ABCC4: variants seen among roughly 807,000 people sequenced by gnomAD.
The protein encoded by ABCC4 is ATP-binding cassette sub-family C member 4.
In ABCC4, 102 loss-of-function variants were observed where a neutral mutation model predicts 168.5. That is an observed-to-expected ratio of 0.61 (90% confidence interval 0.52 to 0.71). ABCC4 has a LOEUF of 0.71. Ranked by LOEUF, ABCC4 falls within the 30% of genes least tolerant of loss-of-function variation. The pLI is 0.00. For synonymous variants in ABCC4, 617 were observed against 590.7 expected (o/e 1.04, Z -0.65); for missense variants, 1,402 against 1,605.8 (o/e 0.87, Z 2.17).
intron 1 of ABCC4, among the ~76,000 whole-genome samples, chr13:95,276,991 AC>A (rs2040988473): frequency 6.6e-6 from 1 of 151,938 alleles, no homozygotes; most frequent in African/African-American, 2.4e-5. Flanking sequence ...TGCACTCCAG[AC>A]TGGGCGACAG....
intron 4 of ABCC4, among the ~76,000 whole-genome samples, chr13:95,231,089 T>C (rs1364505311): frequency 1.3e-5 from 2 of 152,100 alleles, no homozygotes; most frequent in African/African-American, 2.4e-5. Flanking sequence ...ATCAAATTCA[T>C]AGAGCTGGAA....
intron 8 of ABCC4, among the ~76,000 whole-genome samples, chr13:95,196,676 GGAAGGAAGGAAGGAAGGAA>G (rs2038454327): frequency 2.7e-5 from 1 of 37,194 alleles, no homozygotes; most frequent in Non-Finnish European, 5.4e-5. Context: ...AAGGAAGGAA[GGAAGGAAGGAAGGAAGGAA>G]GGAAGGAAGG....
chr13:95,083,085 G>A, intron 21 of ABCC4, 55 bp downstream of exon 21: 1 of 1,562,626 alleles, frequency 6.4e-7, no homozygotes, highest in South Asian at 1.2e-5. Context: ...TGTAATTTAT[G>A]GCATAAATGG....
chr13:95,023,864 G>A (rs1398858490), intron 30 of ABCC4, among the ~76,000 whole-genome samples: 1 of 152,174 alleles, frequency 6.6e-6, no homozygotes, highest in African/African-American at 2.4e-5. Context: ...AGGTAGAACT[G>A]AAAGATCATA....
chr13:95,208,497 C>T (rs2038849937), intron 6 of ABCC4, among the ~76,000 whole-genome samples: 1 of 151,988 alleles, frequency 6.6e-6, no homozygotes, highest in African/African-American at 2.4e-5. Flanking sequence ...AACAGTGGCT[C>T]ATCTCGATCC....
intron 1 of ABCC4, among the ~76,000 whole-genome samples, chr13:95,288,063 A>G (rs1431142696): frequency 1.7e-5 from 2 of 116,266 alleles, no homozygotes; most frequent in African/African-American, 5.1e-5. Flanking sequence ...AAATAAATAA[A>G]TAAATATTTT....
intron 19 of ABCC4, among the ~76,000 whole-genome samples, chr13:95,135,128 G>C (rs760594057): frequency 6.6e-6 from 1 of 152,170 alleles, no homozygotes; most frequent in Non-Finnish European, 1.5e-5. Flanking sequence ...GTGGGTAGGA[G>C]AGACCAAATC....
intron 20 of ABCC4, among the ~76,000 whole-genome samples, chr13:95,107,883 G>A (rs372380013): frequency 1.3e-5 from 2 of 152,088 alleles, no homozygotes; most frequent in African/African-American, 4.8e-5. Flanking sequence ...AGTTTGCAGC[G>A]AGCAGAGATC....
At chr13:95,185,456 A>C (rs1300995517) in intron 11 of ABCC4, among the ~76,000 whole-genome samples, 1 of 152,250 alleles carries the variant, frequency 6.6e-6, no homozygotes, top group African/African-American at 2.4e-5. Context: ...TTCTCTATCC[A>C]AATCGCCAGC....
At chr13:95,120,159 C>A (rs1047949724) in intron 19 of ABCC4, among the ~76,000 whole-genome samples, 2 of 58,372 alleles carry the variant, frequency 3.4e-5, no homozygotes, top group African/African-American at 1.9e-4. Flanking sequence ...CCACATCTGA[C>A]CTTGAAGGTA....
At chr13:95,059,776 G>A (rs1211395525) in intron 26 of ABCC4, among the ~76,000 whole-genome samples, 1 of 152,176 alleles carries the variant, frequency 6.6e-6, no homozygotes, top group Non-Finnish European at 1.5e-5. Context: ...TAGCAATAAT[G>A]CCCTAAAGGC....
At chr13:95,282,594 G>A (rs2041153158) in intron 1 of ABCC4, among the ~76,000 whole-genome samples, 1 of 151,818 alleles carries the variant, frequency 6.6e-6, no homozygotes, top group African/African-American at 2.4e-5. Flanking sequence ...GAGTGCAGTG[G>A]CACAATCTCG....
intron 2 of ABCC4, 123 bp from the exon 3 acceptor site, chr13:95,247,218 A>G (rs1193917344): frequency 2.7e-5 from 30 of 1,106,664 alleles, no homozygotes; most frequent in Non-Finnish European, 3.9e-5. Flanking sequence ...CATAAATGCT[A>G]CTAATTGCTC....
chr13:95,026,725 T>TG (rs1480503873), intron 30 of ABCC4, among the ~76,000 whole-genome samples: 14 of 151,910 alleles, frequency 9.2e-5, no homozygotes, highest in Admixed American at 1.3e-4. Context: ...CTTGTCTCTA[T>TG]GGGGGGAAAA....
intron 27 of ABCC4, among the ~76,000 whole-genome samples, chr13:95,046,800 T>C (rs551355559): frequency 1.3e-5 from 2 of 152,134 alleles, no homozygotes; most frequent in South Asian, 4.1e-4. Context: ...AGGCCCTCTG[T>C]AGTGTTATCA....
intron 3 of ABCC4, among the ~76,000 whole-genome samples, chr13:95,242,561 C>A (rs2039978116): frequency 1.3e-5 from 2 of 152,142 alleles, no homozygotes; most frequent in Non-Finnish European, 2.9e-5. Context: ...CTTGCTCTGT[C>A]ACCCATGCTG....
At chr13:95,108,285 G>T (rs1264887330) in intron 20 of ABCC4, among the ~76,000 whole-genome samples, 1 of 152,086 alleles carries the variant, frequency 6.6e-6, no homozygotes, top group African/African-American at 2.4e-5. Context: ...CTTTCTATAG[G>T]GAGATGGGTG....
intron 26 of ABCC4, among the ~76,000 whole-genome samples, chr13:95,062,359 T>C (rs773658605): frequency 1.3e-5 from 2 of 152,086 alleles, no homozygotes; most frequent in Non-Finnish European, 2.9e-5. Flanking sequence ...ACACTTAAAA[T>C]CCACATCTCC....
At chr13:95,114,919 A>G (rs776391131) in intron 20 of ABCC4, among the ~76,000 whole-genome samples, 3 of 152,196 alleles carry the variant, frequency 2.0e-5, no homozygotes, top group Non-Finnish European at 4.4e-5. Context: ...TAGTATTTCT[A>G]TTTAATGGCT....
Sources: allele counts gnomAD v4.1 joint callset (sites outside exome capture counted in the v4.1 genomes callset), GRCh38; gene constraint gnomAD v4.1.1; transcripts MANE v1.5; gene names NCBI Gene and HGNC (gene_info 2026-07-23, HGNC 2026-07-21).